The following VEPH1 variants were observed in gnomAD, a reference collection of about 807,000 sequenced individuals.
VEPH1 encodes the protein ventricular zone expressed PH domain containing 1, also known as ventricular zone-expressed PH domain-containing protein homolog 1.
Under a neutral mutation model 85.2 loss-of-function variants are expected in VEPH1, and 80 were observed. That is an observed-to-expected ratio of 0.94 (90% CI 0.78 to 1.13). VEPH1 has a LOEUF of 1.13. VEPH1 is among the 50% of genes most tolerant of loss of function. VEPH1 has a pLI of 0.00. For missense variants in VEPH1, 955 were observed against 980.5 expected (o/e 0.97, Z 0.35); for synonymous variants, 297 against 348.0 (o/e 0.85, Z 1.63).
At chr3:157,340,630 C>G (rs1352714663) in intron 9 of VEPH1, among the ~76,000 whole-genome samples, 1 of 152,218 alleles carries the variant, frequency 6.6e-6, no homozygotes, top group Non-Finnish European at 1.5e-5. Flanking sequence ...GGAGCAGAAA[C>G]TTCTGCAAAC....
intron 12 of VEPH1, among the ~76,000 whole-genome samples, chr3:157,279,696 G>A (rs1030116097): frequency 1.3e-5 from 2 of 152,102 alleles, no homozygotes; most frequent in Non-Finnish European, 2.9e-5. Context: ...ATCCTTTGAT[G>A]ACTTTATTCT....
chr3:157,363,441 T>A lies in VEPH1; in HGVS notation c.1658A>T (p.Lys553Ile), dbSNP rs1440013542. The change falls in exon 9 of 14, where the codon AAA becomes ATA. Residue 553 changes from lysine (K) to isoleucine (I), a missense_variant. Lys to Ile is a moderately radical substitution (Grantham distance 102, BLOSUM62 -3). Transcript: ENST00000362010. ...YQDKLYLHLK[K>I]NLSKVKAYAM... ...ATATGCTTTCACTTTGCTGAGGTTT[T>A]TTTTTAAGTGCAAGTAGAGCTTATC... 7 of 1,613,582 alleles carry A rather than the reference T, an allele frequency of 4.3e-6. No individual in the cohort carries two copies. In the Admixed American group the frequency reaches 1.2e-4, roughly 27 times the overall value.
intron 7 of VEPH1, among the ~76,000 whole-genome samples, chr3:157,368,810 T>C (rs1727056430): frequency 6.6e-6 from 1 of 152,216 alleles, no homozygotes; most frequent in Admixed American, 6.6e-5. Context: ...TATTTTTAAG[T>C]GTAGGTATAT....
chr3:157,404,505 T>C (rs1192073028), intron 6 of VEPH1, among the ~76,000 whole-genome samples: 1 of 152,098 alleles, frequency 6.6e-6, no homozygotes, highest in Non-Finnish European at 1.5e-5. Flanking sequence ...ATGATTTAAG[T>C]GCAAATCATT....
intron 11 of VEPH1, among the ~76,000 whole-genome samples, chr3:157,308,923 A>G (rs1719809112): frequency 6.6e-6 from 1 of 152,190 alleles, no homozygotes; most frequent in East Asian, 1.9e-4. Context: ...TTAAATGAAC[A>G]GGACAATTAG....
chr3:157,297,326 G>T (rs1384021093), intron 11 of VEPH1, among the ~76,000 whole-genome samples: 1 of 152,052 alleles, frequency 6.6e-6, no homozygotes, highest in Non-Finnish European at 1.5e-5. Flanking sequence ...TTAGTTTGTT[G>T]TCAAACCTAG....
At chr3:157,308,427 A>G (rs1006327585) in intron 11 of VEPH1, among the ~76,000 whole-genome samples, 1 of 152,032 alleles carries the variant, frequency 6.6e-6, no homozygotes, top group African/African-American at 2.4e-5. Context: ...GTATATATAC[A>G]TTAACTGATT....
chr3:157,475,778 G>A (rs1385976095), intron 2 of VEPH1, among the ~76,000 whole-genome samples: 2 of 152,170 alleles, frequency 1.3e-5, no homozygotes. Context: ...CCTACTCAGG[G>A]TGACCCTGAA....
intron 6 of VEPH1, among the ~76,000 whole-genome samples, chr3:157,411,019 G>A (rs1009971441): frequency 3.3e-5 from 5 of 152,202 alleles, no homozygotes; most frequent in Admixed American, 1.3e-4. Context: ...TTCAGCTTTA[G>A]TCTATTTAGC....
rs765205060 is a variant in VEPH1, at chr3:157,313,738, G to T, written c.1893C>A (p.Pro631=). ...GCACAGAATGACTCTGAATGGACAG[G>T]GGTTCAGGAAACAGGCTCTGAAAGG... The part of the protein sequence containing the change: ...FLFQQSLFPE[P]LSIQSHSVQF... Residue 631 remains proline, a synonymous_variant, in exon 11 of 14, where the codon CCC becomes CCA. Coordinates refer to ENST00000362010, the MANE Select transcript of VEPH1 (RefSeq NM_001167912.2). 5.0e-6 allele frequency: 8 copies of T among 1,613,986 alleles called. No individual in the cohort carries two copies. In the African/African-American group the frequency reaches 1.1e-4, roughly 22 times the overall value.
chr3:157,446,639 T>C (rs1008862408), intron 4 of VEPH1, among the ~76,000 whole-genome samples: 6 of 152,230 alleles, frequency 3.9e-5, no homozygotes, highest in Non-Finnish European at 8.8e-5. Flanking sequence ...CCCTGAGTTT[T>C]ACTAAGGCCA....
intron 5 of VEPH1, among the ~76,000 whole-genome samples, chr3:157,417,627 C>T (rs1016326507): frequency 6.6e-6 from 1 of 152,180 alleles, no homozygotes; most frequent in Non-Finnish European, 1.5e-5. Context: ...CCCCATGACC[C>T]AGCTACATGG....
chr3:157,401,320 T>C (rs991409582), intron 6 of VEPH1, among the ~76,000 whole-genome samples: 1 of 152,152 alleles, frequency 6.6e-6, no homozygotes, highest in Non-Finnish European at 1.5e-5. Context: ...TTTTAGCTCA[T>C]TAGAAAAAGG....
At chr3:157,384,773 G>A (rs1327646701) in intron 6 of VEPH1, among the ~76,000 whole-genome samples, 2 of 152,198 alleles carry the variant, frequency 1.3e-5, no homozygotes, top group South Asian at 2.1e-4. Context: ...TAACAGATGT[G>A]ATTTTGGATT....
chr3:157,490,411 C>G (rs1165755476), intron 2 of VEPH1, among the ~76,000 whole-genome samples: 1 of 146,940 alleles, frequency 6.8e-6, no homozygotes, highest in African/African-American at 2.5e-5. Flanking sequence ...TTTAAGACTA[C>G]AAAAGAAAAA....
intron 5 of VEPH1, among the ~76,000 whole-genome samples, chr3:157,416,825 A>G (rs1162309467): frequency 4.6e-5 from 7 of 151,972 alleles, no homozygotes; most frequent in Admixed American, 4.6e-4. Context: ...AGAAAAAGGA[A>G]AGAAAGAAAT....
intron 1 of VEPH1, among the ~76,000 whole-genome samples, chr3:157,498,931 C>T (rs761856631): frequency 6.6e-5 from 10 of 152,176 alleles, no homozygotes; most frequent in Non-Finnish European, 1.3e-4. Context: ...CACATATGTG[C>T]ACATACTCAA....
intron 4 of VEPH1, among the ~76,000 whole-genome samples, chr3:157,456,971 C>T (rs1049755627): frequency 2.6e-5 from 4 of 152,066 alleles, no homozygotes; most frequent in African/African-American, 7.2e-5. Flanking sequence ...GGCAGCATGG[C>T]CATTTTAATG....
chr3:157,290,977 A>G (rs116346886), intron 11 of VEPH1, among the ~76,000 whole-genome samples: 1,550 of 152,332 alleles, frequency 0.01, 15 homozygotes, highest in Middle Eastern at 0.061. Flanking sequence ...TCTGGATTTT[A>G]TAATGTGGTC....
Sources: gnomAD v4.1 joint callset for allele counts (sites outside exome capture counted in the v4.1 genomes callset) on GRCh38, gnomAD v4.1.1 for gene constraint, MANE v1.5 for transcripts, NCBI Gene and HGNC (gene_info 2026-07-23, HGNC 2026-07-21) for gene names.